Variants in NR6A1 observed in about 807,000 individuals in gnomAD.
NR6A1 encodes the protein nuclear receptor subfamily 6 group A member 1, also known as retinoic acid receptor-related testis-associated receptor.
A neutral mutation model predicts 59.1 loss-of-function variants in NR6A1; 7 were observed. The observed-to-expected ratio is 0.12, with a 90% CI of 0.07 to 0.22. NR6A1 has a LOEUF of 0.22. Ranked by LOEUF, NR6A1 falls within the 10% of genes least tolerant of loss-of-function variation. NR6A1 has a pLI of 1.00. For synonymous variants in NR6A1, 243 were observed against 236.1 expected (o/e 1.03, Z -0.27); for missense variants, 468 against 611.6 (o/e 0.77, Z 2.48).
chr9:124,560,721 C>T (rs527375490), intron 2 of NR6A1, among the ~76,000 whole-genome samples: 26 of 152,052 alleles, frequency 1.7e-4, no homozygotes, highest in African/African-American at 5.8e-4. Context: ...CCACCATGCC[C>T]GGCTAATTTT....
intron 2 of NR6A1, among the ~76,000 whole-genome samples, chr9:124,700,723 T>C (rs1838917430): frequency 6.6e-6 from 1 of 151,620 alleles, no homozygotes; most frequent in African/African-American, 2.4e-5. Context: ...TGAACATTTA[T>C]AATAATGCTA....
intron 2 of NR6A1, among the ~76,000 whole-genome samples, chr9:124,724,769 T>C (rs2131105128): frequency 6.6e-6 from 1 of 152,356 alleles, no homozygotes; most frequent in African/African-American, 2.4e-5. Flanking sequence ...TATTTACCCT[T>C]TGACCCTCTA....
chr9:124,624,565 C>T (rs927499382), intron 2 of NR6A1, among the ~76,000 whole-genome samples: 5 of 152,222 alleles, frequency 3.3e-5, no homozygotes, highest in African/African-American at 4.8e-5. Flanking sequence ...AACGCTGGGA[C>T]GGGAGTTATC....
chr9:124,702,294 T>C (rs1254138468), intron 2 of NR6A1, among the ~76,000 whole-genome samples: 3 of 152,224 alleles, frequency 2.0e-5, no homozygotes, highest in Non-Finnish European at 2.9e-5. Context: ...TAGTGTAAAA[T>C]AGAGTCTTAG....
intron 2 of NR6A1, among the ~76,000 whole-genome samples, chr9:124,692,216 G>T (rs1183878884): frequency 6.6e-6 from 1 of 152,122 alleles, no homozygotes; most frequent in Non-Finnish European, 1.5e-5. Flanking sequence ...TACATTTTTA[G>T]AATCACAAAA....
chr9:124,521,490 A>C lies in NR6A1; in HGVS notation c.*1215T>G, dbSNP rs980271728. The C allele has an allele frequency of 6.6e-6, 1 of 152,392 alleles. No individual in the cohort carries two copies. The highest frequency in any genetic ancestry group is 1.5e-5 in the Non-Finnish European group (1 of 68,252). 9.4% of individuals were successfully genotyped at this position (152,392 alleles called of 1,614,324 possible). Reference sequence around the variant, plus strand: ...TGGGTCCCTGAGGAAAACTGGTCTCACTCTGGAGAGAAAAGGAGAACTTGG... The same window carrying C: ...TGGGTCCCTGAGGAAAACTGGTCTCCCTCTGGAGAGAAAAGGAGAACTTGG... On this transcript the variant is annotated 3_prime_UTR_variant, in exon 10 of 10. Transcript: ENST00000487099.
chr9:124,666,635 C>T (rs1837630731), intron 2 of NR6A1, among the ~76,000 whole-genome samples: 1 of 152,148 alleles, frequency 6.6e-6, no homozygotes. Context: ...CTGTATAATC[C>T]TCTATTACTA....
intron 2 of NR6A1, among the ~76,000 whole-genome samples, chr9:124,715,091 G>A (rs1327931642): frequency 2.0e-5 from 3 of 151,632 alleles, no homozygotes; most frequent in Admixed American, 2.0e-4. Flanking sequence ...CCAGCTACTC[G>A]GGAGGCTGAG....
In NR6A1 at chr9:124,590,532, G is replaced by C. The variant is rs1835085743; in HGVS notation, c.143-35962C>G. ...TTCCTTCTTTGTAGATCAAAAAGGAGATCTGTAGTTTAGGTGAGGAATTCT... is the reference window on the plus strand; with the variant it reads ...TTCCTTCTTTGTAGATCAAAAAGGACATCTGTAGTTTAGGTGAGGAATTCT... On this transcript the variant is annotated intron_variant, in intron 2 of 9. Transcript: ENST00000487099. 2.6e-5 allele frequency among the ~76,000 whole-genome samples: 4 copies of C among 152,164 alleles called. No individual in the cohort carries two copies. The South Asian group carries it at 8.3e-4, about 32-fold the overall frequency.
At chr9:124,675,147 C>T (rs1248949448) in intron 2 of NR6A1, among the ~76,000 whole-genome samples, 1 of 152,154 alleles carries the variant, frequency 6.6e-6, no homozygotes, top group Non-Finnish European at 1.5e-5. Flanking sequence ...AAAATGCAAG[C>T]AAGTAAACAT....
intron 8 of NR6A1, among the ~76,000 whole-genome samples, chr9:124,525,710 T>TACAC (rs747297848): frequency 6.8e-6 from 1 of 146,090 alleles, no homozygotes; most frequent in South Asian, 2.2e-4. Flanking sequence ...TATATATATA[T>TACAC]ACACACACAC....
At position 124,771,145 on chromosome 9, in the gene NR6A1, G is replaced by C. The variant is rs930404736; in HGVS notation, c.-26C>G. 8.4e-5 allele frequency: 100 copies of C among 1,184,382 alleles called. No individual in the cohort carries two copies. Among genetic ancestry groups the C allele is most frequent in the Non-Finnish European group, 9.7e-5 (92 of 944,658 alleles). The allele number at this position is 1,184,382 out of a possible 1,614,324, so 73.4% of individuals were successfully genotyped here. ...GCGGTGGTGCCTAGGGTCCGCGCCG[G>C]GTTTGTTGCTCCGCCATGACCGGCG... On this transcript the variant is annotated 5_prime_UTR_variant, in exon 1 of 10. Coordinates refer to ENST00000487099, the MANE Select transcript of NR6A1 (RefSeq NM_033334.4).
chr9:124,707,141 T>C (rs1323411877), intron 2 of NR6A1, among the ~76,000 whole-genome samples: 1 of 152,206 alleles, frequency 6.6e-6, no homozygotes, highest in Non-Finnish European at 1.5e-5. Context: ...TCTCATTACA[T>C]ACACACTTGA....
rs752372503 is a variant in NR6A1 at position 124,771,264 on chromosome 9, C to A, written c.-145G>T. On this transcript the variant is annotated 5_prime_UTR_variant, in exon 1 of 10. Coordinates refer to ENST00000487099, the MANE Select transcript of NR6A1 (RefSeq NM_033334.4). ...GGCTCTCTCTGGGCCCCGAGCCGCC[C>A]GGCTCCGCGCCGCTCCGCGCCCCTC... 47 of 419,190 alleles carry A rather than the reference C, an allele frequency of 1.1e-4. No homozygotes were observed. The highest frequency in any genetic ancestry group is 1.7e-4 in the Non-Finnish European group (43 of 246,670). 26.0% of individuals were successfully genotyped at this position (419,190 alleles called of 1,614,324 possible).
rs1833402655 is a variant in NR6A1 at position 124,540,163 on chromosome 9, T to G, written c.466A>C (p.Ile156Leu). 1 of 1,613,682 alleles carries G rather than the reference T, an allele frequency of 6.2e-7. No individual in the cohort carries two copies. Among genetic ancestry groups the G allele is most frequent in the Non-Finnish European group, 8.5e-7 (1 of 1,179,806 alleles). ...VQISEEEIER[I>L]MSGQEFEEEA... is the part of the protein sequence containing the mutation. ...TCCTCAAACTCCTGCCCAGACATGA[T>G]CCTTTCGATTTCTTCTTCCGATATC... is the stretch of plus-strand genomic sequence containing the variant. The change falls in exon 5 of 10, where the codon ATC (isoleucine) becomes CTC (leucine). Residue 156 changes from isoleucine (I) to leucine (L), a missense_variant. Physicochemically the swap from Ile to Leu is conservative, Grantham distance 5. This residue lies in a region of NR6A1 where 151 missense variants were observed against 142.8 expected (regional missense o/e 1.06). Coordinates refer to ENST00000487099, the MANE Select transcript of NR6A1 (RefSeq NM_033334.4).
chr9:124,731,312 G>GT (rs1208596415), intron 2 of NR6A1, among the ~76,000 whole-genome samples: 1 of 151,460 alleles, frequency 6.6e-6, no homozygotes, highest in Non-Finnish European at 1.5e-5. Flanking sequence ...AGAGGTTGCA[G>GT]TGAGCTGACA....
At chr9:124,691,110 A>G (rs1838530719) in intron 2 of NR6A1, among the ~76,000 whole-genome samples, 1 of 152,236 alleles carries the variant, frequency 6.6e-6, no homozygotes, top group African/African-American at 2.4e-5. Flanking sequence ...ACCAAGAGGA[A>G]GACTTTTTAA....
intron 2 of NR6A1, among the ~76,000 whole-genome samples, chr9:124,630,296 A>G (rs1458297667): frequency 6.7e-6 from 1 of 148,804 alleles, no homozygotes; most frequent in African/African-American, 2.5e-5. Flanking sequence ...GCTCACTGCA[A>G]CCTCTGCCTC....
Position 124,598,986 on chromosome 9 carries a change from T to G in NR6A1, c.143-44416A>C, listed in dbSNP as rs1275668889. The G allele has an allele frequency of 2.3e-5, 17 of 731,116 alleles. 1 individual carries two copies. Among genetic ancestry groups the G allele is most frequent in the Admixed American group, 9.3e-5 (5 of 53,710 alleles). 45.3% of individuals were successfully genotyped at this position (731,116 alleles called of 1,614,324 possible). A position where few individuals can be genotyped will look rare whatever the true frequency, so the allele number is the denominator to read the frequency against. On this transcript the variant is annotated intron_variant, in intron 2 of 9. Transcript: ENST00000487099. ...TTGGGTTTCAGCTCCACCATTGGCG[T>G]GTAGTGGTTGGCACAAATCTTCAGG...
Sources: allele counts gnomAD v4.1 joint callset (sites outside exome capture counted in the v4.1 genomes callset), GRCh38; gene constraint gnomAD v4.1.1; regional missense constraint gnomAD v4.1.1; transcripts MANE v1.5; gene names NCBI Gene and HGNC (gene_info 2026-07-23, HGNC 2026-07-21).